Variants in KIF5C observed in about 807,000 individuals in gnomAD.
KIF5C encodes kinesin heavy chain isoform 5C.
KIF5C carries 18 observed loss-of-function variants against 125.2 expected under a neutral mutation model. The ratio of observed to expected loss-of-function variants is 0.14; its 90% CI spans 0.10 to 0.21. The LOEUF is 0.21. Ranked by LOEUF, KIF5C falls within the 10% of genes least tolerant of loss-of-function variation. KIF5C has a pLI of 1.00. For synonymous variants in KIF5C, 405 were observed against 434.0 expected, an observed-to-expected ratio of 0.93 and a Z score of 0.83; for missense variants, 780 against 1,183.8, an observed-to-expected ratio of 0.66 and a Z score of 5.01.
At chr2:148,877,490 G>C (rs1681225095) in intron 1 of KIF5C, 1 of 152,244 alleles carries the variant, frequency 6.6e-6, no homozygotes, top group Non-Finnish European at 1.5e-5. Flanking sequence ...ACCTGGGGCA[G>C]TTAGTGACTT....
chr2:148,886,563 G>C (rs2105041226), intron 1 of KIF5C, among the ~76,000 whole-genome samples: 1 of 152,270 alleles, frequency 6.6e-6, no homozygotes, highest in Middle Eastern at 3.4e-3. Context: ...CACTATTCTT[G>C]TGTAGATCAG....
intron 22 of KIF5C, among the ~76,000 whole-genome samples, chr2:149,006,809 G>A (rs1050808854): frequency 6.6e-6 from 1 of 152,190 alleles, no homozygotes; most frequent in African/African-American, 2.4e-5. Flanking sequence ...CAAAGGTGAT[G>A]GACAGGGAGG....
chr2:149,011,173 A>G (rs558397858), intron 24 of KIF5C, among the ~76,000 whole-genome samples: 4 of 152,334 alleles, frequency 2.6e-5, no homozygotes, highest in African/African-American at 4.8e-5. Context: ...TTGAGAATCT[A>G]TTAAAAGCTA....
At chr2:149,000,972 T>C (rs1681834116) in intron 21 of KIF5C, among the ~76,000 whole-genome samples, 190 bp downstream of exon 21, 1 of 152,250 alleles carries the variant, frequency 6.6e-6, no homozygotes, top group African/African-American at 2.4e-5. Context: ...CCAATCCATC[T>C]ATCCTTAGAG....
chr2:148,937,442 C>T, intron 4 of KIF5C, 54 bp downstream of exon 4: 1 of 1,529,122 alleles, frequency 6.5e-7, no homozygotes. Context: ...GATAACGTTT[C>T]TTATACCTCC....
At chr2:148,960,097 G>A (rs975742474) in intron 10 of KIF5C, among the ~76,000 whole-genome samples, 2 of 152,154 alleles carry the variant, frequency 1.3e-5, no homozygotes, top group Non-Finnish European at 2.9e-5. Context: ...CCAGGACCCC[G>A]ATTACTACAG....
intron 1 of KIF5C, among the ~76,000 whole-genome samples, chr2:148,880,120 C>T (rs1450494664): frequency 1.3e-5 from 2 of 151,976 alleles, no homozygotes; most frequent in Non-Finnish European, 2.9e-5. Context: ...GCAGTAATAC[C>T]ACTTTTTTTT....
chr2:149,020,473 A>T (rs1167339850), intron 25 of KIF5C: 1 of 152,218 alleles, frequency 6.6e-6, no homozygotes, highest in African/African-American at 2.4e-5. Flanking sequence ...CCCAGCGGGG[A>T]TCGGGGGCTT....
chr2:148,886,378 C>T (rs1357159886), intron 1 of KIF5C: 1 of 152,280 alleles, frequency 6.6e-6, no homozygotes, highest in Non-Finnish European at 1.5e-5. Flanking sequence ...AGATTCAGGC[C>T]CAACTGGGCT....
At chr2:148,932,981 G>C (rs1490441429) in intron 3 of KIF5C, among the ~76,000 whole-genome samples, 1 of 152,138 alleles carries the variant, frequency 6.6e-6, no homozygotes, top group African/African-American at 2.4e-5. Flanking sequence ...AAAGTTTGCG[G>C]ATAGAATTAT....
At chr2:148,965,656 C>T (rs1270456846) in intron 11 of KIF5C, among the ~76,000 whole-genome samples, 4 of 152,262 alleles carry the variant, frequency 2.6e-5, no homozygotes, top group Admixed American at 1.3e-4. Context: ...CAGACCAGGC[C>T]AGGCTTTTTG....
chr2:149,008,990 TG>T (rs373080151), intron 23 of KIF5C, among the ~76,000 whole-genome samples: 51 of 144,820 alleles, frequency 3.5e-4, no homozygotes, highest in East Asian at 3.3e-3. Flanking sequence ...TTTTTTTTAA[TG>T]TTTTTTTTTT....
intron 1 of KIF5C, among the ~76,000 whole-genome samples, chr2:148,920,949 G>A (rs1266203888): frequency 6.6e-6 from 1 of 152,144 alleles, no homozygotes; most frequent in African/African-American, 2.4e-5. Flanking sequence ...TGCTATGTGG[G>A]GAACATGAAG....
chr2:148,987,161 G>T (rs1187500964), intron 15 of KIF5C, among the ~76,000 whole-genome samples: 1 of 152,200 alleles, frequency 6.6e-6, no homozygotes, highest in East Asian at 1.9e-4. Context: ...TCACAGGGTG[G>T]CCAAATAAAC....
intron 3 of KIF5C, among the ~76,000 whole-genome samples, chr2:148,934,795 G>A (rs1215970452): frequency 2.0e-5 from 3 of 150,000 alleles, no homozygotes; most frequent in African/African-American, 7.4e-5. Context: ...TACATCACAC[G>A]CCCCCACACA....
intron 14 of KIF5C, 58 bp downstream of exon 14, chr2:148,981,619 A>G: frequency 1.3e-6 from 2 of 1,499,028 alleles, no homozygotes; most frequent in East Asian, 2.5e-5. Flanking sequence ...CTGTACTCAT[A>G]TTGATATTCA....
chr2:148,985,495 T>C (rs534180242), intron 15 of KIF5C, among the ~76,000 whole-genome samples: 12 of 152,330 alleles, frequency 7.9e-5, no homozygotes, highest in African/African-American at 2.9e-4. Context: ...CAAATCTTCC[T>C]GCCAATACCA....
intron 12 of KIF5C, among the ~76,000 whole-genome samples, chr2:148,975,084 T>G (rs1681025824): frequency 6.6e-6 from 1 of 152,204 alleles, no homozygotes. Context: ...TATGTCATTT[T>G]CCTACAGCAT....
At chr2:148,985,461 GTCTC>G (rs890913135) in intron 15 of KIF5C, among the ~76,000 whole-genome samples, 1 of 152,116 alleles carries the variant, frequency 6.6e-6, no homozygotes, top group Admixed American at 6.5e-5. Flanking sequence ...GCAGTTTCTG[GTCTC>G]TCTATTTTGT....
Sources: allele counts gnomAD v4.1 joint callset (sites outside exome capture counted in the v4.1 genomes callset), GRCh38; gene constraint gnomAD v4.1.1; transcripts MANE v1.5; gene names NCBI Gene and HGNC (gene_info 2026-07-23, HGNC 2026-07-21).